DLGAP1: variants seen among roughly 807,000 people sequenced by gnomAD.
DLGAP1 encodes DLG associated protein 1, also known as disks large-associated protein 1.
In DLGAP1, 11 loss-of-function variants were observed where a neutral mutation model predicts 90.8. That is an observed-to-expected ratio of 0.12 (90% confidence interval 0.08 to 0.20). DLGAP1 has a LOEUF of 0.20. Among genes scored for constraint, DLGAP1 ranks in the 10% least tolerant of loss-of-function variants. The pLI is 1.00. For synonymous variants in DLGAP1, 558 were observed against 540.7 expected (o/e 1.03, Z -0.44); for missense variants, 1,050 against 1,333.8 (o/e 0.79, Z 3.31).
At chr18:3,580,518 A>T (rs1421428694) in intron 8 of DLGAP1, 15 of 1,597,936 alleles carry the variant, frequency 9.4e-6, no homozygotes, top group South Asian at 1.1e-5. Flanking sequence ...GAGGAAGAGG[A>T]GGCGGCGGCA....
At chr18:3,774,686 G>A (rs1157930793) in intron 5 of DLGAP1, 3 of 152,162 alleles carry the variant, frequency 2.0e-5, no homozygotes, top group Non-Finnish European at 4.4e-5. Flanking sequence ...TAACATAAAT[G>A]CAAGAGTACA....
At chr18:3,828,534 G>A (rs1044830574) in intron 4 of DLGAP1, among the ~76,000 whole-genome samples, 1 of 151,020 alleles carries the variant, frequency 6.6e-6, no homozygotes, top group African/African-American at 2.4e-5. Flanking sequence ...TAGCTACTTG[G>A]GAGGCTGAGG....
intron 1 of DLGAP1, among the ~76,000 whole-genome samples, chr18:4,330,841 T>G (rs943933946): frequency 6.6e-6 from 1 of 151,868 alleles, no homozygotes; most frequent in Non-Finnish European, 1.5e-5. Flanking sequence ...GAGAGAAATA[T>G]TCAAGCAAAT....
At chr18:3,739,821 T>C (rs964562665) in intron 6 of DLGAP1, among the ~76,000 whole-genome samples, 12 of 152,154 alleles carry the variant, frequency 7.9e-5, no homozygotes, top group African/African-American at 2.9e-4. Context: ...AAATTGAATA[T>C]GGAACTAGAA....
Position 4,209,404 on chromosome 18 carries a change from C to T in DLGAP1, c.-266-58117G>A, listed in dbSNP as rs114720400. Among the ~76,000 whole-genome samples, 769 of 152,308 alleles carry T rather than the reference C, an allele frequency of 5.0e-3. 4 individuals are homozygous for T. Among genetic ancestry groups the T allele is most frequent in the African/African-American group, 0.018 (743 of 41,574 alleles). ...TTATATATGTACGAGTCAAAGCCTG[C>T]TCTTTCAATCCTGAATATCTGATAA... On this transcript the variant is annotated intron_variant, in intron 1 of 12. Transcript: ENST00000315677.
chr18:3,520,577 A>T (rs2051120168), intron 10 of DLGAP1, among the ~76,000 whole-genome samples: 1 of 152,110 alleles, frequency 6.6e-6, no homozygotes, highest in Non-Finnish European at 1.5e-5. Context: ...AGAACTGGAG[A>T]TGAGAACACA....
chr18:4,218,773 T>C (rs149562328), intron 1 of DLGAP1, among the ~76,000 whole-genome samples: 1 of 151,836 alleles, frequency 6.6e-6, no homozygotes, highest in Non-Finnish European at 1.5e-5. Flanking sequence ...GTTAAGGCTA[T>C]GTGTCTGTTG....
chr18:4,332,568 C>G (rs1024232048), intron 1 of DLGAP1, among the ~76,000 whole-genome samples: 1 of 151,826 alleles, frequency 6.6e-6, no homozygotes, highest in Admixed American at 6.6e-5. Flanking sequence ...TCCAAAGATG[C>G]CAAAACAATT....
intron 3 of DLGAP1, among the ~76,000 whole-genome samples, chr18:3,966,003 G>T (rs1358669943): frequency 4.6e-5 from 7 of 150,600 alleles, no homozygotes; most frequent in Admixed American, 4.6e-4. Context: ...CTGCCTGCTT[G>T]GAGTTAACAA....
At chr18:4,250,648 C>G (rs1210634394) in intron 1 of DLGAP1, among the ~76,000 whole-genome samples, 1 of 152,104 alleles carries the variant, frequency 6.6e-6, no homozygotes, top group African/African-American at 2.4e-5. Flanking sequence ...AGAACCAAAG[C>G]ATCTTGATTT....
intron 1 of DLGAP1, among the ~76,000 whole-genome samples, chr18:4,435,209 C>G (rs2083374088): frequency 6.6e-6 from 1 of 152,076 alleles, no homozygotes; most frequent in South Asian, 2.1e-4. Context: ...GTATCACGTA[C>G]CAGAGAATCC....
intron 5 of DLGAP1, among the ~76,000 whole-genome samples, chr18:3,759,067 C>T (rs190394176): frequency 5.3e-5 from 8 of 151,340 alleles, no homozygotes; most frequent in Admixed American, 1.3e-4. Context: ...GTTCTTCCTC[C>T]GTAAAGGTTT....
chr18:4,414,651 G>A (rs545100299), intron 1 of DLGAP1, among the ~76,000 whole-genome samples: 8 of 151,434 alleles, frequency 5.3e-5, no homozygotes, highest in Non-Finnish European at 7.4e-5. Flanking sequence ...ACTGGAACCC[G>A]GAAGGCAGAG....
intron 1 of DLGAP1, among the ~76,000 whole-genome samples, chr18:4,172,644 G>A (rs2144596860): frequency 6.6e-6 from 1 of 152,272 alleles, no homozygotes; most frequent in South Asian, 2.1e-4. Flanking sequence ...ACATAAGGGT[G>A]CTGAAATAAC....
intron 7 of DLGAP1, among the ~76,000 whole-genome samples, chr18:3,647,308 C>G (rs1343297841): frequency 1.0e-5 from 1 of 99,894 alleles, no homozygotes; most frequent in East Asian, 2.2e-4. Context: ...ATAATAACAT[C>G]AAGCAAAAGT....
At chr18:3,694,156 T>G (rs2147053533) in intron 7 of DLGAP1, among the ~76,000 whole-genome samples, 1 of 152,036 alleles carries the variant, frequency 6.6e-6, no homozygotes, top group Admixed American at 6.6e-5. Context: ...TCTCTTCCTG[T>G]GTTAGTTTGC....
chr18:3,527,415 T>TTTTG (rs2051707628), intron 10 of DLGAP1, among the ~76,000 whole-genome samples: 2 of 146,476 alleles, frequency 1.4e-5, no homozygotes, highest in East Asian at 4.0e-4. Flanking sequence ...CCAAACTTTT[T>TTTTG]TTTTTTTTTT....
intron 7 of DLGAP1, among the ~76,000 whole-genome samples, chr18:3,632,784 G>T (rs2058571685): frequency 6.6e-6 from 1 of 152,102 alleles, no homozygotes; most frequent in Admixed American, 6.6e-5. Context: ...ATTATCATTT[G>T]AAATATATCA....
At chr18:3,684,800 C>G (rs1166822577) in intron 7 of DLGAP1, among the ~76,000 whole-genome samples, 2 of 152,116 alleles carry the variant, frequency 1.3e-5, no homozygotes, top group Non-Finnish European at 2.9e-5. Flanking sequence ...TTAGACCACA[C>G]CTGTATGTAA....
Sources: gnomAD v4.1 joint callset for allele counts (sites outside exome capture counted in the v4.1 genomes callset) on GRCh38, gnomAD v4.1.1 for gene constraint, MANE v1.5 for transcripts, NCBI Gene and HGNC (gene_info 2026-07-23, HGNC 2026-07-21) for gene names.